The following ITGA1 variants were observed in gnomAD, a reference collection of about 807,000 sequenced individuals.
ITGA1 encodes integrin alpha-1.
A neutral mutation model predicts 145.9 loss-of-function variants in ITGA1; 85 were observed. The observed-to-expected ratio is 0.58, with a 90% confidence interval of 0.49 to 0.70. ITGA1 has a LOEUF of 0.70. Among genes scored for constraint, ITGA1 ranks in the 30% least tolerant of loss-of-function variants. The pLI is 0.00. For missense variants in ITGA1, 1,351 were observed against 1,418.7 expected (o/e 0.95, Z 0.77); for synonymous variants, 520 against 495.3 (o/e 1.05, Z -0.66).
chr5:52,897,475 G>A lies in ITGA1; in HGVS notation c.1111G>A (p.Ala371Thr). 3.1e-6 allele frequency: 5 copies of A among 1,612,768 alleles called. No individual in the cohort carries two copies. The highest frequency in any genetic ancestry group is 4.2e-6 in the Non-Finnish European group (5 of 1,178,994). Residue 371 changes from alanine (A) to threonine (T), a missense_variant, in exon 10 of 29, where the codon GCT becomes ACT. By Grantham distance (58) the Ala-to-Thr change is moderately conservative. Transcript: ENST00000282588. ...TATAGCCACAGCTGACCAGTCAGCA[G>A]CTTCATTTGAAATGGAAATGTCTCA... ...ALEATADQSAASFEMEMSQTG... is the reference protein window; with the variant it reads ...ALEATADQSATSFEMEMSQTG...
rs76578890 is a variant in ITGA1, at chr5:52,805,118, T to C, written c.61+16704T>C. On this transcript the variant is annotated intron_variant, in intron 1 of 28. Coordinates refer to ENST00000282588, the MANE Select transcript of ITGA1 (RefSeq NM_181501.2). The stretch of plus-strand genomic sequence containing the variant: ...AAGGGGTGACTTTTAGGAGAAACTT[T>C]ATAGAGCAAGGACCAGTAAGTTTAC... Among the ~76,000 whole-genome samples the C allele has an allele frequency of 5.1e-3, 782 of 152,180 alleles. 7 individuals carry two copies. Among genetic ancestry groups the C allele is most frequent in the African/African-American group, 0.018 (753 of 41,508 alleles).
intron 6 of ITGA1, among the ~76,000 whole-genome samples, chr5:52,869,914 T>G (rs1382199594): frequency 6.6e-6 from 1 of 152,204 alleles, no homozygotes; most frequent in Non-Finnish European, 1.5e-5. Context: ...AAGGACATAT[T>G]TACCAAGCCA....
Position 52,844,447 on chromosome 5 carries a change from G to A in ITGA1, c.62-4918G>A, listed in dbSNP as rs1749303874. ...CCCTTTCTAGTTTTAGGACTAAGAT[G>A]TAAAAATTGAATTAATATGAATAGT... On this transcript the variant is annotated intron_variant, in intron 1 of 28. Coordinates refer to ENST00000282588, the MANE Select transcript of ITGA1 (RefSeq NM_181501.2). Among the ~76,000 whole-genome samples, 2 of 152,160 alleles carry A rather than the reference G, an allele frequency of 1.3e-5. 1 individual carries two copies. Among genetic ancestry groups the A allele is most frequent in the South Asian group, 4.1e-4 (2 of 4,826 alleles).
intron 1 of ITGA1, among the ~76,000 whole-genome samples, chr5:52,835,234 C>T (rs761782448): frequency 9.2e-5 from 14 of 152,188 alleles, no homozygotes; most frequent in East Asian, 5.8e-4. Context: ...CTGTGCTAGG[C>T]GTTGAGAATG....
Position 52,849,218 on chromosome 5 carries a change from G to C in ITGA1, c.62-147G>C, listed in dbSNP as rs1749387651. 10 of 581,414 alleles carry C rather than the reference G, an allele frequency of 1.7e-5. No homozygotes were observed. In the South Asian group the frequency reaches 3.5e-4, roughly 21 times the overall value. 36.0% of individuals were successfully genotyped at this position (581,414 alleles called of 1,614,324 possible). A position where few individuals can be genotyped will look rare whatever the true frequency, so the allele number is the denominator to read the frequency against. On this transcript the variant is annotated intron_variant, in intron 1 of 28. Transcript: ENST00000282588. ...AGTTAGTAATACAGTTAAGAGTGGAGACCTTCCTTGAGTTTTCATTCTTTG... is the reference window on the plus strand; with the variant it reads ...AGTTAGTAATACAGTTAAGAGTGGACACCTTCCTTGAGTTTTCATTCTTTG...
intron 2 of ITGA1, among the ~76,000 whole-genome samples, chr5:52,861,234 T>C (rs981004397): frequency 6.6e-6 from 1 of 152,064 alleles, no homozygotes; most frequent in African/African-American, 2.4e-5. Flanking sequence ...ATATTGTATA[T>C]GTATGTGTGT....
intron 1 of ITGA1, among the ~76,000 whole-genome samples, chr5:52,843,989 G>T (rs1357509655): frequency 6.6e-6 from 1 of 152,102 alleles, no homozygotes; most frequent in Non-Finnish European, 1.5e-5. Flanking sequence ...AGAAAGCACT[G>T]CAGAGCTGTA....
chr5:52,919,504 G>A (rs1037820925), intron 16 of ITGA1, among the ~76,000 whole-genome samples: 4 of 151,924 alleles, frequency 2.6e-5, no homozygotes, highest in Non-Finnish European at 4.4e-5. Context: ...AAATATGCTC[G>A]AATCAAAGCT....
chr5:52,945,923 G>T lies in ITGA1; in HGVS notation c.3378+888G>T, dbSNP rs530285232. On this transcript the variant is annotated intron_variant, in intron 27 of 28. Transcript: ENST00000282588. ...TAGCATAAGCAATGCAAAATGCAAAGTTGTTCCTTACATAGAATAGCCAAC... is the reference window on the plus strand; with the variant it reads ...TAGCATAAGCAATGCAAAATGCAAATTTGTTCCTTACATAGAATAGCCAAC... Among the ~76,000 whole-genome samples the T allele has an allele frequency of 3.2e-4, 48 of 152,280 alleles. No individual in the cohort carries two copies. The South Asian group carries it at 8.5e-3, about 27-fold the overall frequency.
At chr5:52,854,863 T>A (rs1353991953) in intron 2 of ITGA1, among the ~76,000 whole-genome samples, 4 of 152,208 alleles carry the variant, frequency 2.6e-5, no homozygotes, top group Non-Finnish European at 5.9e-5. Flanking sequence ...CTCACTTTGA[T>A]GATCCTTGAG....
chr5:52,793,955 A>G (rs1445225091), intron 1 of ITGA1, among the ~76,000 whole-genome samples: 2 of 152,096 alleles, frequency 1.3e-5, no homozygotes, highest in Non-Finnish European at 2.9e-5. Flanking sequence ...GTATATAGGA[A>G]GAAGACTAAT....
At chr5:52,797,711 A>G (rs1748372589) in intron 1 of ITGA1, among the ~76,000 whole-genome samples, 1 of 152,176 alleles carries the variant, frequency 6.6e-6, no homozygotes, top group Non-Finnish European at 1.5e-5. Context: ...GTATGGAGTT[A>G]TGCAGGCCTG....
intron 6 of ITGA1, among the ~76,000 whole-genome samples, chr5:52,875,292 A>T (rs185150522): frequency 6.6e-6 from 1 of 152,304 alleles, no homozygotes; most frequent in East Asian, 1.9e-4. Flanking sequence ...CCCAAAAAAA[A>T]AAAAGTGAGT....
chr5:52,876,522 C>T (rs1277665099), intron 6 of ITGA1, among the ~76,000 whole-genome samples: 1 of 152,132 alleles, frequency 6.6e-6, no homozygotes, highest in African/African-American at 2.4e-5. Context: ...TTTTCCACTG[C>T]TCCCTCTTCA....
intron 24 of ITGA1, 52 bp downstream of exon 24, chr5:52,937,566 T>C (rs1561254620): frequency 1.8e-6 from 2 of 1,115,200 alleles, no homozygotes; most frequent in Non-Finnish European, 2.7e-6. Context: ...TTTTCCACTT[T>C]ATGTTTAAGC....
chr5:52,893,566 C>T (rs1579702868), intron 8 of ITGA1, 109 bp from the exon 9 acceptor site: 1 of 887,142 alleles, frequency 1.1e-6, no homozygotes, highest in East Asian at 2.8e-5. Flanking sequence ...CATAAAAATT[C>T]CATTATGCTA....
rs201349208 is a variant in ITGA1, at chr5:52,861,609, G to A, written c.295+50G>A. ...TTTTAGGCCAGGTGCGGTGAGTCAC[G>A]CCTGTAATCCCCACACTTTAAGAGG... On this transcript the variant is annotated intron_variant, in intron 3 of 28. Transcript: ENST00000282588. 395 of 1,052,454 alleles carry A rather than the reference G, an allele frequency of 3.8e-4. 1 individual carries two copies. The highest frequency in any genetic ancestry group is 5.3e-4 in the Non-Finnish European group (356 of 673,910). The allele number at this position is 1,052,454 out of a possible 1,614,324, so 65.2% of individuals were successfully genotyped here.
Position 52,958,624 on chromosome 5 carries a change from AAGG to A in ITGA1, c.*6176_*6178del, listed in dbSNP as rs898567037. 6.6e-6 allele frequency: 1 copy of A among 152,212 alleles called. No homozygotes were observed. The highest frequency in any genetic ancestry group is 1.5e-5 in the Non-Finnish European group (1 of 68,032). 9.4% of individuals were successfully genotyped at this position (152,212 alleles called of 1,614,324 possible). ...TCCTTATTAGGAAAAATTGGCCTGT[AAGG>A]AGAATGGTATACTGCGTATTACTAC... On this transcript the variant is annotated 3_prime_UTR_variant, in exon 29 of 29. Coordinates refer to ENST00000282588, the MANE Select transcript of ITGA1 (RefSeq NM_181501.2).
chr5:52,865,572 C>T, intron 5 of ITGA1, 118 bp from the exon 6 acceptor site: 1 of 767,588 alleles, frequency 1.3e-6, no homozygotes, highest in Non-Finnish European at 1.9e-6. Flanking sequence ...AACAATGTGT[C>T]TACTTTGGAG....
Sources: allele counts gnomAD v4.1 joint callset (sites outside exome capture counted in the v4.1 genomes callset), GRCh38; gene constraint gnomAD v4.1.1; transcripts MANE v1.5; gene names NCBI Gene and HGNC (gene_info 2026-07-23, HGNC 2026-07-21).